COL21A1: variants seen among roughly 807,000 people sequenced by gnomAD.
The protein encoded by COL21A1 is collagen alpha-1(XXI) chain.
A neutral mutation model predicts 137.9 loss-of-function variants in COL21A1; 149 were observed. The ratio of observed to expected loss-of-function variants is 1.08; its 90% CI spans 0.95 to 1.24. The LOEUF (loss-of-function observed/expected upper bound fraction) is 1.24. Ranked by LOEUF, COL21A1 falls within the 50% of genes most tolerant of loss-of-function variation. The pLI is 0.00. For missense variants in COL21A1, 1,167 were observed against 1,158.4 expected, an observed-to-expected ratio of 1.01 and a Z score of -0.11; for synonymous variants, 456 against 391.5, an observed-to-expected ratio of 1.16 and a Z score of -1.95.
In COL21A1 at chr6:56,164,650, T is replaced by C. The variant is rs368683322; in HGVS notation, c.1288-144A>G. 2.1e-5 allele frequency: 18 copies of C among 867,988 alleles called. 1 individual carries two copies. The East Asian group carries it at 2.1e-4, about 10-fold the overall frequency. 53.8% of individuals were successfully genotyped at this position (867,988 alleles called of 1,614,324 possible). A position where few individuals can be genotyped will look rare whatever the true frequency, so the allele number is the denominator to read the frequency against. The stretch of plus-strand genomic sequence containing the variant: ...TCAAATTTTATCTAACCCAACCCAA[T>C]AGGAAATTCCAAATCACAAAAATCT... On this transcript the variant is annotated intron_variant, in intron 8 of 29. Transcript: ENST00000244728.
intron 1 of COL21A1, among the ~76,000 whole-genome samples, chr6:56,241,102 A>G (rs758677428): frequency 6.6e-6 from 1 of 152,142 alleles, no homozygotes; most frequent in Non-Finnish European, 1.5e-5. Context: ...GTTGCTATGA[A>G]CTGAAAGCTG....
intron 10 of COL21A1, among the ~76,000 whole-genome samples, chr6:56,149,067 A>G (rs1366731961): frequency 6.6e-6 from 1 of 152,174 alleles, no homozygotes; most frequent in African/African-American, 2.4e-5. Flanking sequence ...TCCCTTTTTC[A>G]TCAGCTTAAA....
chr6:56,109,970 G>A lies in COL21A1; in HGVS notation c.1759-8445C>T, dbSNP rs1489566503. Among the ~76,000 whole-genome samples the A allele has an allele frequency of 2.0e-5, 3 of 151,914 alleles. No homozygotes were observed. In the East Asian group the frequency reaches 5.8e-4, roughly 29 times the overall value. On this transcript the variant is annotated intron_variant, in intron 16 of 29. Coordinates refer to ENST00000244728, the MANE Select transcript of COL21A1 (RefSeq NM_030820.4). ...GAAATGACACTAACACTACACAAATGCTTTTAGAAAAGAAAAGCCAGTATT... is the reference window on the plus strand; with the variant it reads ...GAAATGACACTAACACTACACAAATACTTTTAGAAAAGAAAAGCCAGTATT...
At chr6:56,351,710 T>C (rs1417602701) in intron 1 of COL21A1, among the ~76,000 whole-genome samples, 2 of 152,196 alleles carry the variant, frequency 1.3e-5, no homozygotes, top group Non-Finnish European at 2.9e-5. Flanking sequence ...GCAGGCCTCT[T>C]TGAAGTCTGT....
intron 12 of COL21A1, among the ~76,000 whole-genome samples, chr6:56,129,699 T>TGAGAGA (rs3065909): frequency 7.6e-4 from 92 of 120,470 alleles, no homozygotes; most frequent in African/African-American, 9.3e-4. Context: ...TGTGTGTGTG[T>TGAGAGA]GAGAGAGAGA....
At chr6:56,186,217 A>G (rs1778285397) in intron 1 of COL21A1, among the ~76,000 whole-genome samples, 1 of 152,188 alleles carries the variant, frequency 6.6e-6, no homozygotes, top group Non-Finnish European at 1.5e-5. Flanking sequence ...AACTTATATA[A>G]TGTACTTTGG....
intron 1 of COL21A1, among the ~76,000 whole-genome samples, chr6:56,203,814 G>T (rs1779567309): frequency 6.6e-6 from 1 of 152,196 alleles, no homozygotes; most frequent in African/African-American, 2.4e-5. Context: ...AGCCCACAGA[G>T]GGCGAGCTGA....
At chr6:56,280,810 A>G (rs529653624) in intron 1 of COL21A1, among the ~76,000 whole-genome samples, 2 of 152,184 alleles carry the variant, frequency 1.3e-5, no homozygotes, top group South Asian at 2.1e-4. Context: ...CAGGAGTTCA[A>G]GACCACCCTG....
chr6:56,064,512 C>G, intron 24 of COL21A1, 66 bp downstream of exon 24: 1 of 1,083,756 alleles, frequency 9.2e-7, no homozygotes, highest in Non-Finnish European at 1.4e-6. Flanking sequence ...AAGTAATCCT[C>G]TCTCAGCATT....
intron 1 of COL21A1, among the ~76,000 whole-genome samples, chr6:56,283,874 A>ACTCTCTCTCT (rs66937943): frequency 2.1e-4 from 30 of 146,294 alleles, no homozygotes; most frequent in African/African-American, 7.4e-4. Context: ...TCACACACAC[A>ACTCTCTCTCT]CTCTCTCTCT....
At chr6:56,174,149 A>T (rs1029734553) in intron 3 of COL21A1, among the ~76,000 whole-genome samples, 1 of 152,132 alleles carries the variant, frequency 6.6e-6, no homozygotes, top group Non-Finnish European at 1.5e-5. Flanking sequence ...AAATCACAAC[A>T]TCCAAAATTT....
intron 1 of COL21A1, among the ~76,000 whole-genome samples, chr6:56,212,547 AC>A (rs2152307079): frequency 6.6e-6 from 1 of 152,156 alleles, no homozygotes; most frequent in South Asian, 2.1e-4. Flanking sequence ...TAAACTTGAA[AC>A]TTTTCCCTTT....
At chr6:56,330,910 T>C (rs1159695974) in intron 1 of COL21A1, among the ~76,000 whole-genome samples, 1 of 152,102 alleles carries the variant, frequency 6.6e-6, no homozygotes, top group Non-Finnish European at 1.5e-5. Flanking sequence ...CTAATTCACA[T>C]TCCCACCAAC....
At chr6:56,349,757 T>C (rs1224326124) in intron 1 of COL21A1, among the ~76,000 whole-genome samples, 1 of 152,214 alleles carries the variant, frequency 6.6e-6, no homozygotes, top group African/African-American at 2.4e-5. Context: ...TTGCCTTACC[T>C]TCTGTTTTGT....
intron 1 of COL21A1, among the ~76,000 whole-genome samples, chr6:56,202,164 T>C (rs1382714700): frequency 1.3e-5 from 2 of 152,120 alleles, no homozygotes; most frequent in African/African-American, 2.4e-5. Flanking sequence ...CAAAGAAAGA[T>C]ATATTTTTTA....
At chr6:56,293,546 AAAACCC>A (rs1764102413) in intron 1 of COL21A1, among the ~76,000 whole-genome samples, 1 of 152,152 alleles carries the variant, frequency 6.6e-6, no homozygotes, top group Non-Finnish European at 1.5e-5. Flanking sequence ...TATTAAAAGA[AAAACCC>A]AATGTTAAAC....
chr6:56,124,222 T>G lies in COL21A1; in HGVS notation c.1704+17A>C. The G allele has an allele frequency of 1.3e-6, 2 of 1,586,264 alleles. No homozygotes were observed. The highest frequency in any genetic ancestry group is 1.7e-6 in the Non-Finnish European group (2 of 1,165,282). On this transcript the variant is annotated intron_variant, in intron 15 of 29. Transcript: ENST00000244728. ...ATTTAAAGCAAAATACTAAGAGCTT[T>G]TTTCTATCAAACTCACAGCAGGTCC...
chr6:56,149,721 G>A (rs762291851), intron 10 of COL21A1, among the ~76,000 whole-genome samples: 1 of 151,032 alleles, frequency 6.6e-6, no homozygotes, highest in African/African-American at 2.5e-5. Context: ...AGCAAGTCCT[G>A]TTAGCTCTAA....
intron 10 of COL21A1, among the ~76,000 whole-genome samples, chr6:56,144,109 T>C (rs1384033467): frequency 6.6e-6 from 1 of 152,216 alleles, no homozygotes; most frequent in African/African-American, 2.4e-5. Context: ...CAGATAGGCC[T>C]AGAATTCACT....
Sources: gnomAD v4.1 joint callset for allele counts (sites outside exome capture counted in the v4.1 genomes callset) on GRCh38, gnomAD v4.1.1 for gene constraint, MANE v1.5 for transcripts, NCBI Gene and HGNC (gene_info 2026-07-23, HGNC 2026-07-21) for gene names.